The following BCL2L1 variants were observed in gnomAD, a reference collection of about 807,000 sequenced individuals.
BCL2L1 encodes bcl-2-like protein 1.
Under a neutral mutation model 18.7 loss-of-function variants are expected in BCL2L1, and 1 was observed. That is an observed-to-expected ratio of 0.05 (90% CI 0.02 to 0.25). BCL2L1 has a LOEUF of 0.25. Ranked by LOEUF, BCL2L1 falls within the 10% of genes least tolerant of loss-of-function variation. The pLI, the probability that BCL2L1 is intolerant of heterozygous loss-of-function variation, is 1.00. For synonymous variants in BCL2L1, 103 were observed against 122.7 expected (o/e 0.84, Z 1.06); for missense variants, 207 against 304.9 (o/e 0.68, Z 2.39).
intron 2 of BCL2L1, among the ~76,000 whole-genome samples, chr20:31,695,899 C>T (rs897249010): frequency 1.2e-4 from 18 of 152,310 alleles, no homozygotes; most frequent in African/African-American, 4.1e-4. Flanking sequence ...CATCCCTAAT[C>T]CCTTTTCTCT....
At chr20:31,690,736 GT>G (rs768394824) in intron 2 of BCL2L1, among the ~76,000 whole-genome samples, 2 of 151,836 alleles carry the variant, frequency 1.3e-5, no homozygotes, top group Non-Finnish European at 2.9e-5. Context: ...ATGCCTGGCT[GT>G]TTTGATAAAC....
At chr20:31,679,863 T>C (rs1167578327) in intron 2 of BCL2L1, among the ~76,000 whole-genome samples, 1 of 152,176 alleles carries the variant, frequency 6.6e-6, no homozygotes, top group Non-Finnish European at 1.5e-5. Context: ...GTATTTTTAG[T>C]GGAAATGGGG....
At chr20:31,713,368 C>T (rs2061481504) in intron 2 of BCL2L1, 1 of 985,342 alleles carries the variant, frequency 1.0e-6, no homozygotes, top group Non-Finnish European at 1.2e-6. Context: ...AGAGGAAAGG[C>T]AGGGACACGT....
intron 2 of BCL2L1, chr20:31,713,397 G>T: frequency 4.1e-6 from 4 of 985,408 alleles, no homozygotes; most frequent in Non-Finnish European, 4.8e-6. Flanking sequence ...AGTAGTTTTT[G>T]GGGGGCGGAC....
intron 2 of BCL2L1, among the ~76,000 whole-genome samples, chr20:31,701,010 G>A (rs965542046): frequency 2.0e-5 from 3 of 152,146 alleles, no homozygotes; most frequent in Non-Finnish European, 4.4e-5. Context: ...GCAAATCCTA[G>A]ACTATTAGGT....
intron 2 of BCL2L1, among the ~76,000 whole-genome samples, chr20:31,703,814 T>C (rs1416938951): frequency 6.7e-6 from 1 of 149,818 alleles, no homozygotes; most frequent in African/African-American, 2.5e-5. Context: ...TTTTTTTTTT[T>C]TTGAGACGAG....
chr20:31,688,669 C>T (rs1377819908), intron 2 of BCL2L1, among the ~76,000 whole-genome samples: 1 of 151,916 alleles, frequency 6.6e-6, no homozygotes, highest in Non-Finnish European at 1.5e-5. Context: ...AGGGATTCAT[C>T]CCCCCCAGAT....
chr20:31,687,720 G>A (rs1236974630), intron 2 of BCL2L1, among the ~76,000 whole-genome samples: 4 of 151,164 alleles, frequency 2.6e-5, no homozygotes, highest in African/African-American at 4.9e-5. Flanking sequence ...CTCTTTCCCC[G>A]GGAGGGAGGC....
At chr20:31,719,394 C>A (rs930061316) in intron 2 of BCL2L1, among the ~76,000 whole-genome samples, 1 of 152,272 alleles carries the variant, frequency 6.6e-6, no homozygotes, top group South Asian at 2.1e-4. Context: ...CCGATGCCAC[C>A]ACAGTAGCCA....
intron 2 of BCL2L1, among the ~76,000 whole-genome samples, chr20:31,685,424 G>A (rs1335288035): frequency 6.6e-6 from 1 of 151,464 alleles, no homozygotes; most frequent in African/African-American, 2.4e-5. Context: ...AATTGAGAAA[G>A]AGAGAAAAAG....
chr20:31,683,402 A>AT (rs997594358), intron 2 of BCL2L1, among the ~76,000 whole-genome samples: 2 of 152,112 alleles, frequency 1.3e-5, no homozygotes, highest in Non-Finnish European at 2.9e-5. Flanking sequence ...ATTATCCTTT[A>AT]TTAAAAAGGC....
chr20:31,689,729 T>C (rs1487117548), intron 2 of BCL2L1, among the ~76,000 whole-genome samples: 1 of 152,066 alleles, frequency 6.6e-6, no homozygotes, highest in African/African-American at 2.4e-5. Context: ...TAAGAAAAGA[T>C]GTTCTGCCAG....
intron 2 of BCL2L1, among the ~76,000 whole-genome samples, chr20:31,697,911 G>A (rs1010036780): frequency 1.3e-4 from 10 of 75,692 alleles, no homozygotes; most frequent in East Asian, 1.0e-3. Flanking sequence ...TTTTTGAGAC[G>A]GAGTCTCGCT....
intron 2 of BCL2L1, among the ~76,000 whole-genome samples, chr20:31,700,268 A>C (rs1305934576): frequency 2.0e-5 from 3 of 152,190 alleles, no homozygotes; most frequent in Non-Finnish European, 4.4e-5. Context: ...CCAAAAGCTA[A>C]ACTGACAATG....
intron 2 of BCL2L1, chr20:31,720,195 G>A: frequency 1.0e-6 from 1 of 974,110 alleles, no homozygotes; most frequent in Non-Finnish European, 1.2e-6. Flanking sequence ...GCACAGACGA[G>A]TTGAAATTGC....
intron 2 of BCL2L1, among the ~76,000 whole-genome samples, chr20:31,688,097 T>A (rs2122592646): frequency 6.6e-6 from 1 of 152,276 alleles, no homozygotes; most frequent in Admixed American, 6.5e-5. Flanking sequence ...TTTCACTTGA[T>A]ACATGAAAGT....
chr20:31,664,814 G>A lies in BCL2L1; in HGVS notation c.*1135C>T. The stretch of plus-strand genomic sequence containing the variant: ...GACCCCTGGGGATGAGACAGGCCAA[G>A]GGTGGAGCAGAAGAGAGAGGGAGGC... On this transcript the variant is annotated 3_prime_UTR_variant, in exon 3 of 3. Transcript: ENST00000307677. The A allele has an allele frequency of 4.5e-6, 1 of 223,236 alleles. No homozygotes were observed. Among genetic ancestry groups the A allele is most frequent in the Non-Finnish European group, 9.0e-6 (1 of 111,328 alleles). The allele number at this position is 223,236 out of a possible 1,614,324, so 13.8% of individuals were successfully genotyped here. A position where few individuals can be genotyped will look rare whatever the true frequency, so the allele number is the denominator to read the frequency against.
chr20:31,720,917 C>T (rs761138789), intron 2 of BCL2L1: 3 of 985,310 alleles, frequency 3.0e-6, no homozygotes, highest in South Asian at 9.4e-5. Context: ...CCCCAACCGA[C>T]CCCAGGCAAT....
At chr20:31,688,464 A>AGAAAAG (rs1442595152) in intron 2 of BCL2L1, among the ~76,000 whole-genome samples, 2 of 151,274 alleles carry the variant, frequency 1.3e-5, no homozygotes, top group African/African-American at 4.9e-5. Flanking sequence ...AAAAAAAGAA[A>AGAAAAG]GAAAAGAAAA....
Sources: gnomAD v4.1 joint callset for allele counts (sites outside exome capture counted in the v4.1 genomes callset) on GRCh38, gnomAD v4.1.1 for gene constraint, MANE v1.5 for transcripts, NCBI Gene and HGNC (gene_info 2026-07-23, HGNC 2026-07-21) for gene names.